Variants in DMC1 observed in about 807,000 individuals in gnomAD.
The protein encoded by DMC1 is meiotic recombination protein DMC1 homolog.
Under a neutral mutation model 50.1 loss-of-function variants are expected in DMC1, and 27 were observed. The ratio of observed to expected loss-of-function variants is 0.54; its 90% CI spans 0.40 to 0.74. DMC1 has a LOEUF of 0.74. DMC1 is among the 30% of genes least tolerant of loss of function. The probability of loss-of-function intolerance (pLI) is 0.00; values close to 1 mark genes in which losing one functional copy is unlikely to be tolerated. For synonymous variants in DMC1, 148 were observed against 136.1 expected (o/e 1.09, Z -0.61); for missense variants, 295 against 420.2 (o/e 0.70, Z 2.60).
chr22:38,527,516 CTT>C (rs891065117), intron 12 of DMC1, among the ~76,000 whole-genome samples: 17 of 127,252 alleles, frequency 1.3e-4, no homozygotes, highest in Admixed American at 1.7e-4. Context: ...CCTTTTTCTC[CTT>C]TTTTTTTTTT....
chr22:38,528,973 C>T (rs1344374103), intron 12 of DMC1, among the ~76,000 whole-genome samples: 4 of 152,056 alleles, frequency 2.6e-5, no homozygotes, highest in African/African-American at 4.8e-5. Context: ...TAGCATTCCA[C>T]ATTCTTTTAG....
In DMC1 at chr22:38,521,571, ACACAC is replaced by A. The variant is rs748159628; in HGVS notation, c.953+32_953+36del. 5.2e-5 allele frequency: 64 copies of A among 1,230,170 alleles called. 1 individual carries two copies. The African/African-American group carries it at 8.8e-4, about 17-fold the overall frequency. 76.2% of individuals were successfully genotyped at this position (1,230,170 alleles called of 1,614,324 possible). On this transcript the variant is annotated intron_variant, in intron 13 of 13. Transcript: ENST00000216024. ...CACACACACACACACACACACACAC[ACACAC>A]ACACACACACACAAAATAAAAAAAA...
At chr22:38,521,862 A>G (rs953246139) in intron 12 of DMC1, 138 bp from the exon 13 acceptor site, 1 of 729,724 alleles carries the variant, frequency 1.4e-6, no homozygotes, top group Non-Finnish European at 2.5e-6. Context: ...AGGCTTGTTC[A>G]TAAACTAAGG....
chr22:38,517,801 C>A (rs1259110889), downstream of DMC1, among the ~76,000 whole-genome samples: 1 of 152,118 alleles, frequency 6.6e-6, no homozygotes, highest in East Asian at 1.9e-4. Context: ...AGGGAAGCAG[C>A]TTCTGTGGTT....
intron 12 of DMC1, among the ~76,000 whole-genome samples, chr22:38,522,230 C>G (rs1379783028): frequency 1.3e-5 from 2 of 150,258 alleles, no homozygotes; most frequent in African/African-American, 4.9e-5. Flanking sequence ...GGGTTACAAG[C>G]ACGAGCCACT....
chr22:38,562,721 C>T (rs1162636905), intron 4 of DMC1, among the ~76,000 whole-genome samples: 1 of 151,736 alleles, frequency 6.6e-6, no homozygotes, highest in African/African-American at 2.4e-5. Flanking sequence ...CATATGTATA[C>T]ACACATATAC....
At chr22:38,527,536 T>G (rs943823492) in intron 12 of DMC1, among the ~76,000 whole-genome samples, 5 of 147,906 alleles carry the variant, frequency 3.4e-5, no homozygotes, top group Admixed American at 2.0e-4. Flanking sequence ...TTTTTTTTTT[T>G]GAGACGGAGT....
chr22:38,562,122 T>C (rs1041510602), intron 5 of DMC1, among the ~76,000 whole-genome samples, 165 bp downstream of exon 5: 1 of 152,056 alleles, frequency 6.6e-6, no homozygotes, highest in Non-Finnish European at 1.5e-5. Context: ...CTCCAAGCAG[T>C]CTAGAATTTG....
At chr22:38,539,241 A>G in intron 9 of DMC1, 80 bp downstream of exon 9, 1 of 1,010,022 alleles carries the variant, frequency 9.9e-7, no homozygotes, top group South Asian at 1.3e-5. Context: ...AAAAGTATCA[A>G]AATGTTGTAT....
At chr22:38,517,309 C>T (rs760567486), downstream of DMC1, among the ~76,000 whole-genome samples, 4 of 152,182 alleles carry the variant, frequency 2.6e-5, no homozygotes, top group African/African-American at 9.7e-5. Context: ...TGGCTCACGC[C>T]TGTAATCCTA....
At chr22:38,537,203 A>C (rs2090223240) in intron 12 of DMC1, among the ~76,000 whole-genome samples, 2 of 151,728 alleles carry the variant, frequency 1.3e-5, no homozygotes, top group South Asian at 4.2e-4. Context: ...ATGATTTTTA[A>C]ATTCTTTTCT....
At chr22:38,523,378 T>C (rs1017518027) in intron 12 of DMC1, among the ~76,000 whole-genome samples, 11 of 152,208 alleles carry the variant, frequency 7.2e-5, no homozygotes, top group Admixed American at 4.6e-4. Context: ...TGGTTCTTCA[T>C]GGTTTTAAAA....
chr22:38,553,494 T>G (rs1194925719), intron 6 of DMC1, among the ~76,000 whole-genome samples: 1 of 120,138 alleles, frequency 8.3e-6, no homozygotes, highest in East Asian at 2.4e-4. Flanking sequence ...CGAGACTCCG[T>G]CTCAAAAAAA....
At chr22:38,553,371 G>A (rs9610977) in intron 6 of DMC1, among the ~76,000 whole-genome samples, 8,517 of 149,126 alleles carry the variant, frequency 0.057, 362 homozygotes, top group Middle Eastern at 0.1. Flanking sequence ...GGTGGTGGGC[G>A]CCTGTAGTCC....
intron 5 of DMC1, among the ~76,000 whole-genome samples, chr22:38,559,960 G>A (rs1355381745): frequency 2.0e-5 from 3 of 152,012 alleles, no homozygotes; most frequent in Non-Finnish European, 2.9e-5. Flanking sequence ...AGAGGTTGCA[G>A]TGAGCTGAGA....
At chr22:38,550,049 C>T (rs2145926439) in intron 7 of DMC1, 52 bp from the exon 8 acceptor site, 1 of 1,314,384 alleles carries the variant, frequency 7.6e-7, no homozygotes, top group East Asian at 2.4e-5. Flanking sequence ...ACTTTGTACA[C>T]ATGACTATAT....
the DMC1 span, among the ~76,000 whole-genome samples, chr22:38,510,443 A>G: frequency 6.6e-6 from 1 of 152,192 alleles, no homozygotes. Context: ...CGACAGAGCA[A>G]GACTCTGTGT....
intron 1 of DMC1, 51 bp from the exon 2 acceptor site, chr22:38,568,340 T>A: frequency 7.3e-7 from 1 of 1,361,214 alleles, no homozygotes; most frequent in Admixed American, 1.8e-5. Flanking sequence ...TCCAGGGGCC[T>A]CTGATTTCAT....
chr22:38,517,309 C>G (rs760567486), downstream of DMC1, among the ~76,000 whole-genome samples: 3 of 152,182 alleles, frequency 2.0e-5, no homozygotes, highest in African/African-American at 7.2e-5. Flanking sequence ...TGGCTCACGC[C>G]TGTAATCCTA....
Sources: gnomAD v4.1 joint callset for allele counts (sites outside exome capture counted in the v4.1 genomes callset) on GRCh38, gnomAD v4.1.1 for gene constraint, MANE v1.5 for transcripts, NCBI Gene and HGNC (gene_info 2026-07-23, HGNC 2026-07-21) for gene names.